Variants in SORBS2 observed in about 807,000 individuals in gnomAD.
SORBS2 encodes the protein sorbin and SH3 domain containing 2, also known as sorbin and SH3 domain-containing protein 2.
A neutral mutation model predicts 97.7 loss-of-function variants in SORBS2; 46 were observed. That is an observed-to-expected ratio of 0.47 (90% CI 0.37 to 0.60). The LOEUF (loss-of-function observed/expected upper bound fraction) is 0.60, where lower values mean the gene tolerates loss of function less well. SORBS2 is among the 20% of genes least tolerant of loss of function. The pLI is 0.00. For synonymous variants in SORBS2, 476 were observed against 473.4 expected (o/e 1.01, Z -0.07); for missense variants, 1,316 against 1,282.3 (o/e 1.03, Z -0.40).
intron 2 of SORBS2, among the ~76,000 whole-genome samples, chr4:185,767,486 T>G (rs1410004766): frequency 1.0e-5 from 1 of 100,446 alleles, no homozygotes; most frequent in Non-Finnish European, 1.8e-5. Context: ...GGCGACAGAG[T>G]GAGACTCTGT....
chr4:185,762,258 A>G (rs2098899546), intron 2 of SORBS2, among the ~76,000 whole-genome samples: 1 of 152,200 alleles, frequency 6.6e-6, no homozygotes, highest in African/African-American at 2.4e-5. Context: ...CCTGGGAAGG[A>G]AGAGCAGGGT....
chr4:185,655,305 A>G (rs1042124630), intron 1 of SORBS2, among the ~76,000 whole-genome samples: 27 of 152,224 alleles, frequency 1.8e-4, no homozygotes, highest in Admixed American at 6.5e-5. Context: ...AGCATGGTAC[A>G]TTGTGACAGT....
At chr4:185,890,450 A>G (rs543057226) in intron 1 of SORBS2, among the ~76,000 whole-genome samples, 1 of 152,182 alleles carries the variant, frequency 6.6e-6, no homozygotes, top group Non-Finnish European at 1.5e-5. Context: ...TTTGAGTGTC[A>G]CAGTGAGAAT....
In SORBS2 at chr4:185,611,836, G is replaced by A. The variant is rs2096543583; in HGVS notation, c.2740C>T (p.Pro914Ser). The change falls in exon 12 of 15, where the codon CCT becomes TCT. Residue 914 changes from proline to serine, a missense_variant. Coordinates refer to ENST00000418609, the Ensembl canonical transcript of SORBS2. ...CTAGAATAGCTGTGGGGTATTGGAG[G>A]GTCAGGGTAGTCCTCAGCACCTTTT... 5.0e-6 allele frequency: 8 copies of A among 1,613,932 alleles called. No individual in the cohort carries two copies. The South Asian group carries it at 7.7e-5, about 16-fold the overall frequency.
intron 2 of SORBS2, among the ~76,000 whole-genome samples, chr4:185,726,469 T>C (rs1051987739): frequency 1.3e-5 from 2 of 152,214 alleles, no homozygotes; most frequent in East Asian, 1.9e-4. Flanking sequence ...AATAGAATAA[T>C]AACCAAAGTT....
chr4:185,796,108 G>A (rs2099103412), intron 1 of SORBS2, among the ~76,000 whole-genome samples: 1 of 152,028 alleles, frequency 6.6e-6, no homozygotes, highest in Non-Finnish European at 1.5e-5. Context: ...ATCTCACTGT[G>A]TTGCCCAGGG....
intron 1 of SORBS2, among the ~76,000 whole-genome samples, chr4:185,948,275 A>G (rs919711891): frequency 3.3e-5 from 5 of 152,116 alleles, no homozygotes; most frequent in African/African-American, 1.2e-4. Context: ...TTTACATAGC[A>G]TCTTTTCAGG....
At chr4:185,723,588 T>C (rs1227317934) in intron 2 of SORBS2, among the ~76,000 whole-genome samples, 1 of 152,240 alleles carries the variant, frequency 6.6e-6, no homozygotes, top group Non-Finnish European at 1.5e-5. Context: ...ATTCTATTCA[T>C]TTCCTTAGAG....
intron 1 of SORBS2, among the ~76,000 whole-genome samples, chr4:185,922,079 T>C (rs1340690324): frequency 1.3e-5 from 2 of 152,220 alleles, no homozygotes; most frequent in Non-Finnish European, 2.9e-5. Flanking sequence ...GCCCCTGATT[T>C]ATTTACACTT....
At chr4:185,875,367 T>C (rs1253268490) in intron 1 of SORBS2, among the ~76,000 whole-genome samples, 1 of 152,190 alleles carries the variant, frequency 6.6e-6, no homozygotes, top group Admixed American at 6.5e-5. Flanking sequence ...CATAAATATA[T>C]TTGGTTTTCA....
Position 185,692,956 on chromosome 4 carries a change from A to G in SORBS2, c.-197-14134T>C, listed in dbSNP as rs557699507. Among the ~76,000 whole-genome samples the G allele has an allele frequency of 3.9e-5, 6 of 152,334 alleles. No homozygotes were observed. In the East Asian group the frequency reaches 9.7e-4, roughly 25 times the overall value. On this transcript the variant is annotated intron_variant, in intron 2 of 20. Transcript: ENST00000284776. ...TTTTTAGAGCTCTACGCTGAAAACAATATAGACGATATCCTTACTATATGG... is the reference window on the plus strand; with the variant it reads ...TTTTTAGAGCTCTACGCTGAAAACAGTATAGACGATATCCTTACTATATGG...
chr4:185,822,028 C>T (rs1036619690), intron 1 of SORBS2, among the ~76,000 whole-genome samples: 8 of 152,030 alleles, frequency 5.3e-5, no homozygotes, highest in Non-Finnish European at 1.0e-4. Flanking sequence ...AATTGTAACA[C>T]GATGTTATTT....
At chr4:185,598,077 A>G (rs1239688920) in intron 12 of SORBS2, among the ~76,000 whole-genome samples, 1 of 152,248 alleles carries the variant, frequency 6.6e-6, no homozygotes, top group Non-Finnish European at 1.5e-5. Context: ...TAAGATAAAT[A>G]TAGAACAATA....
intron 12 of SORBS2, among the ~76,000 whole-genome samples, chr4:185,596,735 A>C (rs557063174): frequency 1.1e-3 from 172 of 151,908 alleles, no homozygotes; most frequent in African/African-American, 4.1e-3. Context: ...GGGTTTCACC[A>C]TGTTAGCCAG....
At chr4:185,677,277 T>G in intron 4 of SORBS2, 5 of 1,552,038 alleles carry the variant, frequency 3.2e-6, no homozygotes, top group Non-Finnish European at 3.5e-6. Context: ...TAGATCCTGG[T>G]TATGGGTTAG....
At chr4:185,790,840 TG>T (rs2099076787) in intron 1 of SORBS2, among the ~76,000 whole-genome samples, 1 of 152,204 alleles carries the variant, frequency 6.6e-6, no homozygotes, top group Non-Finnish European at 1.5e-5. Context: ...GATCCAATTT[TG>T]TCACTCAGCA....
intron 1 of SORBS2, chr4:185,932,912 A>T: frequency 6.6e-6 from 1 of 152,384 alleles, no homozygotes; most frequent in East Asian, 1.9e-4. Flanking sequence ...TTCAGTTCTC[A>T]ATAATCAACT....
At chr4:185,644,874 A>T (rs2097182914) in intron 4 of SORBS2, among the ~76,000 whole-genome samples, 1 of 152,186 alleles carries the variant, frequency 6.6e-6, no homozygotes, top group African/African-American at 2.4e-5. Context: ...TATAAACCCT[A>T]AAGGGAGCAA....
Position 185,623,441 on chromosome 4 carries a change from C to T in SORBS2, c.1688G>A (p.Gly563Asp), listed in dbSNP as rs772119014. The T allele has an allele frequency of 1.9e-6, 3 of 1,611,792 alleles. No homozygotes were observed. Among genetic ancestry groups the T allele is most frequent in the Non-Finnish European group, 2.5e-6 (3 of 1,179,986 alleles). Residue 563 changes from glycine to aspartate, a missense_variant, in exon 7 of 15, where the codon GGC becomes GAC. By Grantham distance (94) the Gly-to-Asp change is moderately conservative. Transcript: ENST00000418609. This position sits in a 1 kb window ranked among gnomAD's most constrained non-coding sequence, Gnocchi z 6.4. ...TCGAGTGTAGGAGGCCGGGCACCTG[C>T]CTTTGCAGGAGCTGATGAGGTGGCG...
Sources: gnomAD v4.1 joint callset for allele counts (sites outside exome capture counted in the v4.1 genomes callset) on GRCh38, gnomAD v4.1.1 for gene constraint, Gnocchi (gnomAD v3.1) non-coding constraint, MANE v1.5 for transcripts, NCBI Gene and HGNC (gene_info 2026-07-23, HGNC 2026-07-21) for gene names.